Variants in ALPK2 observed in about 807,000 individuals in gnomAD.
The protein encoded by ALPK2 is alpha-protein kinase 2.
A neutral mutation model predicts 163.1 loss-of-function variants in ALPK2; 127 were observed. The ratio of observed to expected loss-of-function variants is 0.78; its 90% CI spans 0.67 to 0.90. The LOEUF (loss-of-function observed/expected upper bound fraction) is 0.90, where lower values mean the gene tolerates loss of function less well. ALPK2 is among the 40% of genes least tolerant of loss of function. The probability of loss-of-function intolerance (pLI) is 0.00; values close to 1 mark genes in which losing one functional copy is unlikely to be tolerated. For synonymous variants in ALPK2, 953 were observed against 959.1 expected (o/e 0.99, Z 0.12); for missense variants, 2,360 against 2,589.6 (o/e 0.91, Z 1.92).
Position 58,627,359 on chromosome 18 carries a change from G to A in ALPK2, c.-21+1405C>T, listed in dbSNP as rs964033494. Among the ~76,000 whole-genome samples, 7 of 152,314 alleles carry A rather than the reference G, an allele frequency of 4.6e-5. No individual in the cohort carries two copies. In the East Asian group the frequency reaches 5.8e-4, roughly 13 times the overall value. ...ATGTAGGCCAGGCGCGGTGGCTCACGCCTGTAATCCCAAGACTTTGGGAGG... is the reference window on the plus strand; with the variant it reads ...ATGTAGGCCAGGCGCGGTGGCTCACACCTGTAATCCCAAGACTTTGGGAGG... On this transcript the variant is annotated intron_variant, in intron 1 of 12. Transcript: ENST00000361673.
chr18:58,491,053 A>T (rs2051372305), intron 12 of ALPK2, among the ~76,000 whole-genome samples: 1 of 152,236 alleles, frequency 6.6e-6, no homozygotes, highest in Admixed American at 6.5e-5. Flanking sequence ...CACTGTCCTA[A>T]GCCCCAGAGC....
intron 3 of ALPK2, among the ~76,000 whole-genome samples, chr18:58,581,815 A>G (rs1053499939): frequency 1.3e-5 from 2 of 152,232 alleles, no homozygotes; most frequent in African/African-American, 4.8e-5. Flanking sequence ...TCTGAGAGGC[A>G]ATGCTTAGGT....
At chr18:58,497,831 C>T (rs530935097) in intron 12 of ALPK2, among the ~76,000 whole-genome samples, 8 of 152,318 alleles carry the variant, frequency 5.3e-5, no homozygotes, top group East Asian at 1.9e-4. Context: ...CAAGAGTTCT[C>T]ATTTGTTTCA....
chr18:58,549,275 T>G (rs2051737059), intron 4 of ALPK2, among the ~76,000 whole-genome samples: 1 of 152,146 alleles, frequency 6.6e-6, no homozygotes, highest in African/African-American at 2.4e-5. Flanking sequence ...AGCTATAAAT[T>G]GCAAGGTACA....
intron 5 of ALPK2, among the ~76,000 whole-genome samples, chr18:58,531,116 G>A (rs542786263): frequency 1.1e-3 from 161 of 152,286 alleles, no homozygotes; most frequent in African/African-American, 3.8e-3. Context: ...GATCGGTTGA[G>A]CACAGGAGTT....
chr18:58,614,879 C>T (rs1217413784), intron 1 of ALPK2, among the ~76,000 whole-genome samples: 2 of 152,208 alleles, frequency 1.3e-5, no homozygotes, highest in East Asian at 3.8e-4. Flanking sequence ...CCCTACACCC[C>T]TTTTACCTCC....
At chr18:58,509,012 C>A (rs543835534) in intron 10 of ALPK2, among the ~76,000 whole-genome samples, 30 of 150,368 alleles carry the variant, frequency 2.0e-4, no homozygotes, top group African/African-American at 7.1e-4. Context: ...TTAGATATAT[C>A]TCCTAATGCT....
Position 58,579,004 on chromosome 18 carries a change from G to A in ALPK2, c.1772C>T (p.Thr591Ile). The A allele has an allele frequency of 6.2e-7, 1 of 1,614,220 alleles. No homozygotes were observed. The highest frequency in any genetic ancestry group is 8.5e-7 in the Non-Finnish European group (1 of 1,180,034). The change falls in exon 4 of 13, where the codon ACT becomes ATT. Residue 591 changes from threonine to isoleucine, a missense_variant. Thr to Ile is a moderately conservative substitution (Grantham distance 89). Transcript: ENST00000361673. Reference protein sequence around the residue: ...RETSHTTAAATGRSSHADARE... With the variant: ...RETSHTTAAAIGRSSHADARE... ...TGCATCAGCATGGGAACTCCGACCAGTCGCTGCTGCTGTGGTGTGAGAAGT... is the reference window on the plus strand; with the variant it reads ...TGCATCAGCATGGGAACTCCGACCAATCGCTGCTGCTGTGGTGTGAGAAGT...
intron 3 of ALPK2, among the ~76,000 whole-genome samples, chr18:58,605,406 G>A (rs1426262989): frequency 1.3e-5 from 2 of 152,178 alleles, no homozygotes; most frequent in Non-Finnish European, 2.9e-5. Flanking sequence ...GATAGAGAAG[G>A]GAGAGATATA....
chr18:58,547,959 A>G (rs72937520), intron 4 of ALPK2, among the ~76,000 whole-genome samples: 3,950 of 152,316 alleles, frequency 0.026, 76 homozygotes, highest in South Asian at 0.049. Context: ...CTCTCTTTAT[A>G]GTTTTTAGAA....
intron 2 of ALPK2, among the ~76,000 whole-genome samples, chr18:58,611,094 A>T (rs535710704): frequency 1.4e-5 from 2 of 146,838 alleles, no homozygotes; most frequent in Non-Finnish European, 3.0e-5. Context: ...CTCTGTCTCA[A>T]AAAAAAAAAA....
At chr18:58,611,661 G>C (rs370966558) in intron 2 of ALPK2, 28 bp downstream of exon 2, 1 of 1,579,820 alleles carries the variant, frequency 6.3e-7, no homozygotes, top group Non-Finnish European at 8.7e-7. Context: ...GATTTTAGAG[G>C]GTGATTAGCT....
At chr18:58,543,362 G>A in intron 4 of ALPK2, 1 of 985,428 alleles carries the variant, frequency 1.0e-6, no homozygotes. Context: ...AGTGCTCTGT[G>A]CACCAGACCT....
intron 4 of ALPK2, among the ~76,000 whole-genome samples, chr18:58,560,790 G>C (rs1295691219): frequency 1.3e-5 from 2 of 152,214 alleles, no homozygotes; most frequent in Non-Finnish European, 2.9e-5. Context: ...TGCTGCCTTT[G>C]TTCCATAGGG....
intron 3 of ALPK2, among the ~76,000 whole-genome samples, chr18:58,598,024 C>T (rs1348873875): frequency 3.3e-5 from 5 of 152,244 alleles, no homozygotes; most frequent in Non-Finnish European, 5.9e-5. Context: ...GCCTCCAGGA[C>T]GGTGAGAAAG....
chr18:58,611,964 C>T, intron 1 of ALPK2, 147 bp from the exon 2 acceptor site: 1 of 572,168 alleles, frequency 1.7e-6, no homozygotes, highest in South Asian at 2.4e-5. Context: ...GCAGCCTTTC[C>T]AGGCCGTGGT....
intron 12 of ALPK2, among the ~76,000 whole-genome samples, chr18:58,495,453 T>C (rs1480901958): frequency 6.6e-6 from 1 of 151,992 alleles, no homozygotes; most frequent in African/African-American, 2.4e-5. Context: ...TTCTAATGGG[T>C]CTTGGGCAGC....
chr18:58,609,262 A>AAATC (rs1467271557), intron 2 of ALPK2, among the ~76,000 whole-genome samples: 1 of 152,202 alleles, frequency 6.6e-6, no homozygotes. Context: ...ATGCAAGGAT[A>AAATC]AATCCTCCAG....
At chr18:58,567,969 A>C (rs1301566262) in intron 4 of ALPK2, among the ~76,000 whole-genome samples, 1 of 152,088 alleles carries the variant, frequency 6.6e-6, no homozygotes, top group Non-Finnish European at 1.5e-5. Flanking sequence ...AGCTGGCTCC[A>C]TCTGAAAGAT....
Sources: gnomAD v4.1 joint callset for allele counts (sites outside exome capture counted in the v4.1 genomes callset) on GRCh38, gnomAD v4.1.1 for gene constraint, MANE v1.5 for transcripts, NCBI Gene and HGNC (gene_info 2026-07-23, HGNC 2026-07-21) for gene names.